Variants in AGBL4 observed in about 807,000 individuals in gnomAD.
AGBL4 encodes AGBL carboxypeptidase 4.
Under a neutral mutation model 66.4 loss-of-function variants are expected in AGBL4, and 58 were observed. The ratio of observed to expected loss-of-function variants is 0.87; its 90% CI spans 0.71 to 1.09. AGBL4 has a LOEUF of 1.09. Among genes scored for constraint, AGBL4 ranks in the 50% least tolerant of loss-of-function variants. The pLI, the probability that AGBL4 is intolerant of heterozygous loss-of-function variation, is 0.00. For missense variants in AGBL4, 579 were observed against 631.0 expected, an observed-to-expected ratio of 0.92 and a Z score of 0.88; for synonymous variants, 234 against 222.9, an observed-to-expected ratio of 1.05 and a Z score of -0.44.
chr1:48,894,469 G>T (rs1417863461), intron 5 of AGBL4, among the ~76,000 whole-genome samples: 2 of 152,076 alleles, frequency 1.3e-5, no homozygotes, highest in African/African-American at 4.8e-5. Context: ...ATCTTCAGGG[G>T]CCCCAAATGG....
At chr1:49,586,508 T>C (rs1053933820) in intron 3 of AGBL4, among the ~76,000 whole-genome samples, 1 of 152,210 alleles carries the variant, frequency 6.6e-6, no homozygotes. Context: ...ACAGTATTAA[T>C]GTCCCAATTT....
chr1:49,105,666 G>T (rs1206824203), intron 4 of AGBL4, among the ~76,000 whole-genome samples: 1 of 152,150 alleles, frequency 6.6e-6, no homozygotes, highest in African/African-American at 2.4e-5. Flanking sequence ...TAGTAGCTGT[G>T]TAACATGAGA....
At chr1:49,215,737 G>T (rs372017011) in intron 4 of AGBL4, among the ~76,000 whole-genome samples, 5 of 151,960 alleles carry the variant, frequency 3.3e-5, no homozygotes, top group Admixed American at 6.6e-5. Flanking sequence ...CCTCGACCGC[G>T]TTTGCTCAAG....
At chr1:49,908,446 C>T (rs1650487735) in intron 1 of AGBL4, among the ~76,000 whole-genome samples, 1 of 152,210 alleles carries the variant, frequency 6.6e-6, no homozygotes, top group South Asian at 2.1e-4. Flanking sequence ...CCCCCTTCCT[C>T]TCTATTGTTC....
chr1:49,023,812 T>G (rs532706931), intron 5 of AGBL4, among the ~76,000 whole-genome samples: 1 of 152,200 alleles, frequency 6.6e-6, no homozygotes, highest in African/African-American at 2.4e-5. Context: ...ACCCTTCTTA[T>G]GTATGCCTTC....
intron 4 of AGBL4, among the ~76,000 whole-genome samples, chr1:49,171,245 AT>A (rs1206918947): frequency 6.6e-6 from 1 of 152,160 alleles, no homozygotes; most frequent in Non-Finnish European, 1.5e-5. Context: ...TTCAAGTGTT[AT>A]TTGGGGAGAG....
At chr1:49,084,840 A>T (rs542357263) in intron 4 of AGBL4, among the ~76,000 whole-genome samples, 1 of 152,298 alleles carries the variant, frequency 6.6e-6, no homozygotes, top group South Asian at 2.1e-4. Context: ...TGAGACAGCC[A>T]CACGCCTTGG....
chr1:49,763,998 G>A (rs1652537640), intron 2 of AGBL4, among the ~76,000 whole-genome samples: 1 of 152,086 alleles, frequency 6.6e-6, no homozygotes. Flanking sequence ...GTTCCCACCT[G>A]GCCAGCGCAG....
At chr1:49,426,131 G>A (rs934932685) in intron 3 of AGBL4, among the ~76,000 whole-genome samples, 5 of 152,038 alleles carry the variant, frequency 3.3e-5, no homozygotes, top group African/African-American at 4.8e-5. Flanking sequence ...TTTCATAAAC[G>A]CATATTGAAA....
At chr1:49,070,644 T>G (rs908221981) in intron 4 of AGBL4, among the ~76,000 whole-genome samples, 1 of 152,000 alleles carries the variant, frequency 6.6e-6, no homozygotes, top group Non-Finnish European at 1.5e-5. Flanking sequence ...CAGTATTTTA[T>G]TGAGGATTTT....
intron 6 of AGBL4, among the ~76,000 whole-genome samples, chr1:48,831,178 T>C (rs1002473738): frequency 2.6e-5 from 4 of 152,156 alleles, no homozygotes; most frequent in African/African-American, 4.8e-5. Flanking sequence ...GGAAGATTAG[T>C]GTAGAGGGCA....
chr1:49,827,843 G>C (rs1379861991), intron 2 of AGBL4, among the ~76,000 whole-genome samples: 2 of 152,158 alleles, frequency 1.3e-5, no homozygotes, highest in Non-Finnish European at 2.9e-5. Flanking sequence ...AATAAAGTTG[G>C]TTCTTGACCA....
At chr1:49,579,382 C>G (rs560042336) in intron 3 of AGBL4, among the ~76,000 whole-genome samples, 1 of 152,184 alleles carries the variant, frequency 6.6e-6, no homozygotes, top group East Asian at 1.9e-4. Context: ...TATGCAGATA[C>G]TTGGTATGAT....
At chr1:48,893,372 G>A (rs1406456756) in intron 5 of AGBL4, among the ~76,000 whole-genome samples, 1 of 152,036 alleles carries the variant, frequency 6.6e-6, no homozygotes, top group Non-Finnish European at 1.5e-5. Flanking sequence ...TTATGAATGA[G>A]ATTAGTGCCC....
chr1:49,073,149 G>C (rs1644643396), intron 4 of AGBL4, among the ~76,000 whole-genome samples: 2 of 152,046 alleles, frequency 1.3e-5, no homozygotes, highest in Admixed American at 6.6e-5. Context: ...ATTCATCTAA[G>C]TTTTTTTCAA....
In AGBL4 at chr1:50,011,697, A is replaced by G. The variant is rs1199508075; in HGVS notation, c.34+12066T>C. Among the ~76,000 whole-genome samples the G allele has an allele frequency of 3.9e-5, 6 of 152,228 alleles. No individual in the cohort carries two copies. In the East Asian group the frequency reaches 9.6e-4, roughly 24 times the overall value. On this transcript the variant is annotated intron_variant, in intron 1 of 13. Coordinates refer to ENST00000371839, the MANE Select transcript of AGBL4 (RefSeq NM_032785.4). Reference sequence around the variant, plus strand: ...ACATACACACAATGGAGTCCTATTCAGCTAAAAAAGAATGAGATCCTGTCA... The same window carrying G: ...ACATACACACAATGGAGTCCTATTCGGCTAAAAAAGAATGAGATCCTGTCA...
intron 1 of AGBL4, among the ~76,000 whole-genome samples, chr1:49,886,788 C>T (rs1288012906): frequency 6.6e-6 from 1 of 152,220 alleles, no homozygotes; most frequent in East Asian, 1.9e-4. Context: ...TTGTCAAGCT[C>T]TACAACTGCA....
intron 6 of AGBL4, among the ~76,000 whole-genome samples, chr1:48,683,104 C>A: frequency 6.6e-6 from 1 of 152,178 alleles, no homozygotes; most frequent in East Asian, 1.9e-4. Context: ...ATTTTAGACA[C>A]CTCACTCAAC....
chr1:49,930,049 T>A (rs1333161735), intron 1 of AGBL4, among the ~76,000 whole-genome samples: 2 of 151,620 alleles, frequency 1.3e-5, no homozygotes, highest in Non-Finnish European at 3.0e-5. Context: ...AGAAAGCAAA[T>A]AAAATTGATA....
Sources: gnomAD v4.1 joint callset for allele counts (sites outside exome capture counted in the v4.1 genomes callset) on GRCh38, gnomAD v4.1.1 for gene constraint, MANE v1.5 for transcripts, NCBI Gene and HGNC (gene_info 2026-07-23, HGNC 2026-07-21) for gene names.